The following DAPK1 variants were observed in gnomAD, a reference collection of about 807,000 sequenced individuals.
DAPK1 encodes death associated protein kinase 1, also known as death-associated protein kinase 1.
DAPK1 carries 56 observed loss-of-function variants against 144.9 expected under a neutral mutation model. The observed-to-expected ratio is 0.39, with a 90% CI of 0.31 to 0.48. The LOEUF (loss-of-function observed/expected upper bound fraction) is 0.48, where lower values mean the gene tolerates loss of function less well. Ranked by LOEUF, DAPK1 falls within the 20% of genes least tolerant of loss-of-function variation. The probability of loss-of-function intolerance (pLI) is 0.95; values close to 1 mark genes in which losing one functional copy is unlikely to be tolerated. For synonymous variants in DAPK1, 690 were observed against 749.0 expected (o/e 0.92, Z 1.29); for missense variants, 1,454 against 1,875.4 (o/e 0.78, Z 4.15).
At position 87,522,071 on chromosome 9, in the gene DAPK1, T is replaced by TA. The variant is rs1231293465; in HGVS notation, c.62+22933dup. On this transcript the variant is annotated intron_variant, in intron 2 of 25. Coordinates refer to ENST00000408954, the MANE Select transcript of DAPK1 (RefSeq NM_004938.4). The stretch of plus-strand genomic sequence containing the variant: ...TCACCAGGTGCCAGCGCCATGCTCT[T>TA]AGACTTCCCAGCCTCCAGGACCACG... Among the ~76,000 whole-genome samples the TA allele has an allele frequency of 2.6e-5, 4 of 152,216 alleles. No homozygotes were observed. The East Asian group carries it at 7.7e-4, about 29-fold the overall frequency.
chr9:87,574,193 C>G (rs1827462705), intron 2 of DAPK1, among the ~76,000 whole-genome samples: 1 of 152,214 alleles, frequency 6.6e-6, no homozygotes, highest in Non-Finnish European at 1.5e-5. Context: ...TGCTTACATT[C>G]TATTGGTCAG....
At chr9:87,646,109 CCTTCCAATTGGA>C (rs1346613662) in intron 12 of DAPK1, 95 bp downstream of exon 12, 25 of 1,434,188 alleles carry the variant, frequency 1.7e-5, no homozygotes, top group Non-Finnish European at 2.3e-5. Flanking sequence ...CTCCATTCTC[CCTTCCAATTGGA>C]AGCTCCATAC....
chr9:87,662,726 G>A (rs1219759216), intron 18 of DAPK1, among the ~76,000 whole-genome samples: 1 of 151,562 alleles, frequency 6.6e-6, no homozygotes, highest in Non-Finnish European at 1.5e-5. Flanking sequence ...ATTTTTTGGT[G>A]ACATCCTCAG....
At chr9:87,634,817 C>T (rs902943797) in intron 3 of DAPK1, among the ~76,000 whole-genome samples, 3 of 152,084 alleles carry the variant, frequency 2.0e-5, no homozygotes, top group Admixed American at 2.0e-4. Context: ...TTGAGATGGC[C>T]ATGGTGGGAA....
At chr9:87,647,483 CATCGGGACCCAAAGGAAAGGA>C (rs1830309550) in intron 14 of DAPK1, 80 bp downstream of exon 14, 1 of 1,161,590 alleles carries the variant, frequency 8.6e-7, no homozygotes, top group South Asian at 1.2e-5. Context: ...CTACCGTGTG[CATCGGGACCCAAAGGAAAGGA>C]ATCAGGACCA....
At chr9:87,511,659 CT>C (rs1238913843) in intron 2 of DAPK1, among the ~76,000 whole-genome samples, 1 of 115,656 alleles carries the variant, frequency 8.6e-6, no homozygotes, top group Non-Finnish European at 1.8e-5. Context: ...GGTAGATTTT[CT>C]TTTTCTTTTG....
chr9:87,583,324 C>T (rs2118839833), intron 2 of DAPK1, among the ~76,000 whole-genome samples: 1 of 152,282 alleles, frequency 6.6e-6, no homozygotes, highest in South Asian at 2.1e-4. Flanking sequence ...GTAGCAGTCA[C>T]TGGGAATGCA....
At chr9:87,654,753 A>AG (rs2119196394) in intron 17 of DAPK1, among the ~76,000 whole-genome samples, 1 of 152,258 alleles carries the variant, frequency 6.6e-6, no homozygotes, top group South Asian at 2.1e-4. Context: ...CTGTGCACCC[A>AG]GGGGTCTACT....
intron 17 of DAPK1, among the ~76,000 whole-genome samples, chr9:87,652,521 G>A: frequency 6.9e-6 from 1 of 145,462 alleles, no homozygotes. Context: ...TCCTGATTCT[G>A]TGTCCATGCC....
chr9:87,620,041 A>T (rs1190402219), intron 3 of DAPK1, among the ~76,000 whole-genome samples: 2 of 152,036 alleles, frequency 1.3e-5, no homozygotes, highest in South Asian at 4.1e-4. Context: ...GGAGATCTGA[A>T]CCTCATCTGC....
intron 10 of DAPK1, among the ~76,000 whole-genome samples, chr9:87,642,897 A>T (rs1476180059): frequency 6.6e-6 from 1 of 152,170 alleles, no homozygotes; most frequent in African/African-American, 2.4e-5. Flanking sequence ...TCTATAGACT[A>T]AGAGGTCCCC....
chr9:87,622,212 C>T (rs1055577685), intron 3 of DAPK1, among the ~76,000 whole-genome samples: 21 of 152,106 alleles, frequency 1.4e-4, no homozygotes, highest in African/African-American at 4.8e-4. Flanking sequence ...CGCTCCCTAT[C>T]CCCTGTGGAA....
chr9:87,695,154 G>GC (rs771739987), intron 21 of DAPK1, among the ~76,000 whole-genome samples: 27 of 152,192 alleles, frequency 1.8e-4, no homozygotes, highest in Non-Finnish European at 2.1e-4. Flanking sequence ...CACAGCCCCA[G>GC]CCGCAACCCA....
At chr9:87,518,421 C>T (rs1825165792) in intron 2 of DAPK1, among the ~76,000 whole-genome samples, 1 of 152,006 alleles carries the variant, frequency 6.6e-6, no homozygotes, top group African/African-American at 2.4e-5. Context: ...AGCCACTGCA[C>T]CCAGCCATAT....
rs762893299 is a variant in DAPK1, at chr9:87,690,978, A to ATGT, written c.2413+4253_2413+4255dup. 5.3e-5 allele frequency among the ~76,000 whole-genome samples: 8 copies of ATGT among 151,702 alleles called. 1 individual carries two copies. Among genetic ancestry groups the ATGT allele is most frequent in the Admixed American group, 5.3e-4 (8 of 15,226 alleles). On this transcript the variant is annotated intron_variant, in intron 21 of 25. Coordinates refer to ENST00000408954, the MANE Select transcript of DAPK1 (RefSeq NM_004938.4). The stretch of plus-strand genomic sequence containing the variant: ...GGGATCTTGGCCTATAATGATGATG[A>ATGT]TGTTGTTGTTGTTGTTTTTACATTC...
chr9:87,705,259 T>TTG, intron 25 of DAPK1, among the ~76,000 whole-genome samples: 1 of 140,530 alleles, frequency 7.1e-6, no homozygotes, highest in African/African-American at 2.7e-5. Flanking sequence ...TTTTTTTTTT[T>TTG]GAGATAGAGT....
chr9:87,680,496 A>G (rs1440734039), intron 19 of DAPK1, among the ~76,000 whole-genome samples: 1 of 152,232 alleles, frequency 6.6e-6, no homozygotes, highest in Non-Finnish European at 1.5e-5. Flanking sequence ...TACAGGTGAC[A>G]TTGCCATGAA....
chr9:87,571,465 A>ACACCCC (rs1827335598), intron 2 of DAPK1, among the ~76,000 whole-genome samples: 1 of 60,150 alleles, frequency 1.7e-5, no homozygotes, highest in Non-Finnish European at 3.1e-5. Flanking sequence ...ACACACACAC[A>ACACCCC]CACACACACC....
chr9:87,584,664 TTGTG>T (rs113125719), intron 2 of DAPK1, among the ~76,000 whole-genome samples: 8,792 of 140,444 alleles, frequency 0.063, 398 homozygotes, highest in East Asian at 0.25. Flanking sequence ...TGATAGCTCA[TTGTG>T]TGTGTGTGTG....
Sources: gnomAD v4.1 joint callset for allele counts (sites outside exome capture counted in the v4.1 genomes callset) on GRCh38, gnomAD v4.1.1 for gene constraint, MANE v1.5 for transcripts, NCBI Gene and HGNC (gene_info 2026-07-23, HGNC 2026-07-21) for gene names.